The following SLC9C1 variants were observed in gnomAD, a reference collection of about 807,000 sequenced individuals.
SLC9C1 encodes the protein sodium/hydrogen exchanger 10.
SLC9C1 carries 97 observed loss-of-function variants against 140.9 expected under a neutral mutation model. The observed-to-expected ratio is 0.69, with a 90% CI of 0.58 to 0.82. The LOEUF is 0.82. Among genes scored for constraint, SLC9C1 ranks in the 40% least tolerant of loss-of-function variants. The pLI is 0.00. For synonymous variants in SLC9C1, 440 were observed against 442.6 expected (o/e 0.99, Z 0.07); for missense variants, 1,340 against 1,389.3 (o/e 0.96, Z 0.56).
intron 15 of SLC9C1, among the ~76,000 whole-genome samples, chr3:112,211,132 C>T (rs896452347): frequency 4.6e-5 from 7 of 152,008 alleles, no homozygotes; most frequent in Non-Finnish European, 8.8e-5. Context: ...GTAAATAAGG[C>T]CATTTTTCAG....
intron 21 of SLC9C1, among the ~76,000 whole-genome samples, chr3:112,181,603 G>T (rs549689106): frequency 6.6e-6 from 1 of 152,142 alleles, no homozygotes; most frequent in African/African-American, 2.4e-5. Flanking sequence ...AAAGATAATT[G>T]TAATGTAATG....
At position 112,266,266 on chromosome 3, in the gene SLC9C1, C is replaced by G; in HGVS notation, c.850G>C (p.Ala284Pro). 1 of 1,610,832 alleles carries G rather than the reference C, an allele frequency of 6.2e-7. No homozygotes were observed. Among genetic ancestry groups the G allele is most frequent in the African/African-American group, 1.3e-5 (1 of 74,942 alleles). The change falls in exon 8 of 29, where the codon GCA (alanine) becomes CCA (proline). Residue 284 changes from alanine to proline, a missense_variant. Ala to Pro is a conservative substitution (Grantham distance 27). Coordinates refer to ENST00000305815, the MANE Select transcript of SLC9C1 (RefSeq NM_183061.3). ...GLLLNSTSFK[A>P]AIEETLLLEF... ...AGAAGAAGTGTTTCTTCAATTGCTG[C>G]TTTAAAACTTGTAGAATTTAAAAGA...
intron 7 of SLC9C1, among the ~76,000 whole-genome samples, chr3:112,267,231 A>T (rs555557432): frequency 1.9e-4 from 29 of 152,096 alleles, no homozygotes; most frequent in African/African-American, 6.7e-4. Flanking sequence ...GTGAGCCATG[A>T]TCATGCCACT....
At position 112,231,426 on chromosome 3, in the gene SLC9C1, T is replaced by A; in HGVS notation, c.1507A>T (p.Ile503Leu). ...GCTTCAGTGTTAAAGATCTCATCTA[T>A]TTCCTTGTTACAGTGTGGACATTTC... Reference protein sequence around the residue: ...KVKCPHCNKEIDEIFNTEAME... With the variant: ...KVKCPHCNKELDEIFNTEAME... Residue 503 changes from isoleucine to leucine, a missense_variant, in exon 13 of 29, where the codon ATA becomes TTA. Physicochemically the swap from Ile to Leu is conservative, Grantham distance 5 (BLOSUM62 2). Coordinates refer to ENST00000305815, the MANE Select transcript of SLC9C1 (RefSeq NM_183061.3). 1 of 1,613,350 alleles carries A rather than the reference T, an allele frequency of 6.2e-7. No homozygotes were observed. Among genetic ancestry groups the A allele is most frequent in the Non-Finnish European group, 8.5e-7 (1 of 1,179,648 alleles).
At chr3:112,230,296 G>A (rs1454474528) in intron 13 of SLC9C1, among the ~76,000 whole-genome samples, 1 of 152,150 alleles carries the variant, frequency 6.6e-6, no homozygotes, top group Non-Finnish European at 1.5e-5. Context: ...GCAGTTCCCA[G>A]GGGAACCCAG....
Position 112,278,759 on chromosome 3 carries a change from A to G in SLC9C1, c.288T>C (p.Asp96=), listed in dbSNP as rs2080282779. The G allele has an allele frequency of 2.5e-6, 4 of 1,610,388 alleles. No homozygotes were observed. The highest frequency in any genetic ancestry group is 2.5e-6 in the Non-Finnish European group (3 of 1,178,600). The change falls in exon 4 of 29, where the codon GAT becomes GAC. Residue 96 remains aspartate (D), a synonymous_variant. Coordinates refer to ENST00000305815, the MANE Select transcript of SLC9C1 (RefSeq NM_183061.3). ...VVFFTTAFDM[D]TYMLQKLFWQ... is the part of the protein sequence containing the mutation. ...AAAATAACTTTTGAAGCATGTACGT[A>G]TCCATGTCAAATGCAGTAGTAAAGA...
At chr3:112,197,502 G>C (rs2077797003) in intron 20 of SLC9C1, among the ~76,000 whole-genome samples, 1 of 152,128 alleles carries the variant, frequency 6.6e-6, no homozygotes, top group Non-Finnish European at 1.5e-5. Context: ...ATGCATAGCT[G>C]CCTGCCATGG....
At chr3:112,234,838 C>G (rs759161294) in intron 12 of SLC9C1, among the ~76,000 whole-genome samples, 2 of 151,988 alleles carry the variant, frequency 1.3e-5, no homozygotes, top group Non-Finnish European at 2.9e-5. Flanking sequence ...TTGTCTAGAT[C>G]TCTGTTTTGG....
chr3:112,229,581 A>T (rs2078767281), intron 13 of SLC9C1, among the ~76,000 whole-genome samples: 1 of 151,950 alleles, frequency 6.6e-6, no homozygotes, highest in African/African-American at 2.4e-5. Flanking sequence ...AAAAGAGATT[A>T]TCAAGCAAAA....
chr3:112,213,149 C>A (rs2078255906), intron 15 of SLC9C1, among the ~76,000 whole-genome samples: 1 of 152,134 alleles, frequency 6.6e-6, no homozygotes, highest in African/African-American at 2.4e-5. Flanking sequence ...TACAGAAAAG[C>A]AAATGCTGAG....
At chr3:112,264,382 A>T in intron 8 of SLC9C1, 39 bp from the exon 9 acceptor site, 1 of 1,187,794 alleles carries the variant, frequency 8.4e-7, no homozygotes, top group Non-Finnish European at 1.1e-6. Context: ...TTTATAATTA[A>T]TTAATTTGAC....
At chr3:112,227,081 A>G (rs955463950) in intron 13 of SLC9C1, among the ~76,000 whole-genome samples, 1 of 152,140 alleles carries the variant, frequency 6.6e-6, no homozygotes, top group Admixed American at 6.6e-5. Context: ...ACCTGGGGGG[A>G]ATGGATAAAT....
chr3:112,217,265 TAATG>T (rs1209393851), intron 15 of SLC9C1, among the ~76,000 whole-genome samples, 173 bp downstream of exon 15: 1 of 152,162 alleles, frequency 6.6e-6, no homozygotes, highest in African/African-American at 2.4e-5. Context: ...AATGACGAGT[TAATG>T]AATGAAGCAC....
At chr3:112,182,520 C>T (rs1279375882) in intron 20 of SLC9C1, among the ~76,000 whole-genome samples, 2 of 151,972 alleles carry the variant, frequency 1.3e-5, no homozygotes, top group African/African-American at 4.8e-5. Flanking sequence ...GTTTGGTTTA[C>T]AGATTATTTT....
chr3:112,162,027 A>T (rs1025082135), intron 26 of SLC9C1, among the ~76,000 whole-genome samples: 2 of 152,054 alleles, frequency 1.3e-5, no homozygotes, highest in African/African-American at 4.8e-5. Flanking sequence ...ATTCTCTTTG[A>T]AGCACTTGTG....
At chr3:112,197,212 C>A (rs569258348) in intron 20 of SLC9C1, among the ~76,000 whole-genome samples, 1 of 151,862 alleles carries the variant, frequency 6.6e-6, no homozygotes, top group African/African-American at 2.4e-5. Flanking sequence ...TTTTGAATGT[C>A]TTAGTCTCTA....
At chr3:112,157,614 T>C (rs1333662671) in intron 26 of SLC9C1, among the ~76,000 whole-genome samples, 1 of 152,046 alleles carries the variant, frequency 6.6e-6, no homozygotes, top group Non-Finnish European at 1.5e-5. Context: ...TTGGGTAGTA[T>C]AGACCACTTT....
intron 2 of SLC9C1, among the ~76,000 whole-genome samples, chr3:112,281,346 C>T (rs1356675369): frequency 2.6e-5 from 4 of 152,094 alleles, no homozygotes; most frequent in African/African-American, 9.7e-5. Flanking sequence ...AATCTGGGAA[C>T]CTGATAATGG....
At chr3:112,257,052 G>A (rs918546408) in intron 10 of SLC9C1, among the ~76,000 whole-genome samples, 1 of 152,134 alleles carries the variant, frequency 6.6e-6, no homozygotes, top group South Asian at 2.1e-4. Context: ...TGAAATCAGA[G>A]ATGACACAAA....
Sources: gnomAD v4.1 joint callset for allele counts (sites outside exome capture counted in the v4.1 genomes callset) on GRCh38, gnomAD v4.1.1 for gene constraint, MANE v1.5 for transcripts, NCBI Gene and HGNC (gene_info 2026-07-23, HGNC 2026-07-21) for gene names.